PLCE1: variants seen among roughly 807,000 people sequenced by gnomAD.
PLCE1 encodes phospholipase C epsilon 1.
In PLCE1, 119 loss-of-function variants were observed where a neutral mutation model predicts 242.8. The observed-to-expected ratio is 0.49, with a 90% CI of 0.42 to 0.57. PLCE1 has a LOEUF of 0.57. Ranked by LOEUF, PLCE1 falls within the 20% of genes least tolerant of loss-of-function variation. PLCE1 has a pLI of 0.00. For synonymous variants in PLCE1, 945 were observed against 1,017.4 expected, an observed-to-expected ratio of 0.93 and a Z score of 1.35; for missense variants, 2,441 against 2,788.8, an observed-to-expected ratio of 0.88 and a Z score of 2.81.
intron 2 of PLCE1, among the ~76,000 whole-genome samples, chr10:94,059,882 G>A (rs2209442): frequency 0.31 from 47,576 of 151,974 alleles, 8,157 homozygotes; most frequent in African/African-American, 0.46. Flanking sequence ...TGGTGTTCAC[G>A]TCTTGCTTGT....
At chr10:94,033,413 A>T in intron 2 of PLCE1, among the ~76,000 whole-genome samples, 1 of 152,096 alleles carries the variant, frequency 6.6e-6, no homozygotes, top group East Asian at 1.9e-4. Context: ...AATATCAATA[A>T]CATTTTAGGA....
intron 4 of PLCE1, among the ~76,000 whole-genome samples, chr10:94,182,872 C>T (rs2048355999): frequency 6.6e-6 from 1 of 152,144 alleles, no homozygotes. Flanking sequence ...CACCTCTGTC[C>T]TGAGACTGGT....
intron 3 of PLCE1, among the ~76,000 whole-genome samples, chr10:94,147,048 G>A (rs887882195): frequency 6.6e-6 from 1 of 151,968 alleles, no homozygotes; most frequent in Non-Finnish European, 1.5e-5. Flanking sequence ...CACGCATAAT[G>A]TAGAGAAACG....
At chr10:94,309,079 T>G (rs1004652495) in intron 27 of PLCE1, among the ~76,000 whole-genome samples, 1 of 152,236 alleles carries the variant, frequency 6.6e-6, no homozygotes, top group Non-Finnish European at 1.5e-5. Flanking sequence ...AGAGGCTTAT[T>G]ATGCGAAGCC....
intron 29 of PLCE1, among the ~76,000 whole-genome samples, chr10:94,317,650 T>C (rs545637900): frequency 6.6e-5 from 10 of 152,316 alleles, no homozygotes; most frequent in African/African-American, 2.2e-4. Context: ...ATTCCCATGA[T>C]CATTCCTGGG....
chr10:94,272,160 G>T (rs2051769162), intron 18 of PLCE1, among the ~76,000 whole-genome samples: 1 of 152,176 alleles, frequency 6.6e-6, no homozygotes, highest in Admixed American at 6.5e-5. Flanking sequence ...ATCCTAGTAA[G>T]CCTGAAGGTA....
Position 94,325,104 on chromosome 10 carries a change from G to C in PLCE1, c.*24G>C. ...GACTAAGGGCAGCATGTTTAACCCA[G>C]GTATAGTAAGTCATTGCACCATCCT... On this transcript the variant is annotated splice_region_variant and 3_prime_UTR_variant, in exon 32 of 33. Coordinates refer to ENST00000371380, the MANE Select transcript of PLCE1 (RefSeq NM_016341.4). The C allele has an allele frequency of 6.2e-7, 1 of 1,604,140 alleles. No homozygotes were observed. Among genetic ancestry groups the C allele is most frequent in the East Asian group, 2.2e-5 (1 of 44,822 alleles).
At chr10:94,097,019 A>G (rs893908134) in intron 2 of PLCE1, 1 of 152,210 alleles carries the variant, frequency 6.6e-6, no homozygotes, top group Admixed American at 6.5e-5. Context: ...AGAAAGTACC[A>G]AGAAGTTTAT....
chr10:94,202,689 A>G (rs2049023222), intron 4 of PLCE1, among the ~76,000 whole-genome samples: 1 of 152,212 alleles, frequency 6.6e-6, no homozygotes, highest in Admixed American at 6.5e-5. Flanking sequence ...CCTTGGCTAC[A>G]AGGTGTGTCC....
At chr10:94,261,628 G>A (rs756498789) in intron 13 of PLCE1, among the ~76,000 whole-genome samples, 18 of 152,138 alleles carry the variant, frequency 1.2e-4, no homozygotes, top group Non-Finnish European at 2.6e-4. Flanking sequence ...AAGTTGGTGC[G>A]AATGTGAAGC....
chr10:94,144,868 GT>G (rs753627732), intron 3 of PLCE1, among the ~76,000 whole-genome samples: 1 of 152,168 alleles, frequency 6.6e-6, no homozygotes, highest in Non-Finnish European at 1.5e-5. Flanking sequence ...ACTGTGACAA[GT>G]GTTTTTAAAG....
chr10:94,181,520 G>A (rs2048311185), intron 4 of PLCE1, among the ~76,000 whole-genome samples: 1 of 150,362 alleles, frequency 6.7e-6, no homozygotes, highest in Non-Finnish European at 1.5e-5. Flanking sequence ...AGCTTGCAGT[G>A]AGCCGAGATC....
intron 2 of PLCE1, among the ~76,000 whole-genome samples, chr10:94,095,645 G>A (rs1217365170): frequency 6.6e-6 from 1 of 152,182 alleles, no homozygotes; most frequent in Non-Finnish European, 1.5e-5. Context: ...CATGGGAGAG[G>A]AGAGAGAGGC....
intron 13 of PLCE1, among the ~76,000 whole-genome samples, chr10:94,259,461 T>G (rs2051219582): frequency 6.6e-6 from 1 of 152,084 alleles, no homozygotes. Flanking sequence ...TTTTTTGTAT[T>G]TTTAATAGAG....
At chr10:93,999,082 T>C (rs866301246) in intron 1 of PLCE1, among the ~76,000 whole-genome samples, 8 of 152,224 alleles carry the variant, frequency 5.3e-5, no homozygotes, top group South Asian at 2.1e-4. Context: ...TTATTTAAAC[T>C]ACTAAGTTTG....
Position 94,246,576 on chromosome 10 carries a change from C to A in PLCE1, c.3051C>A (p.Asp1017Glu). 2 of 1,614,124 alleles carry A rather than the reference C, an allele frequency of 1.2e-6. No homozygotes were observed. The highest frequency in any genetic ancestry group is 1.7e-6 in the Non-Finnish European group (2 of 1,180,004). ...TGAGAAAGATGAGGAAATTCCCTGA[C>A]CAAAGACAGCAGTGGCTGCGGAAAC... ...RAVRKMRKFP[D>E]QRQQWLRKQY... is the part of the protein sequence containing the mutation. Residue 1017 changes from aspartate (D) to glutamate (E), a missense_variant, in exon 8 of 33, where the codon GAC (aspartate) becomes GAA (glutamate). Asp to Glu is a conservative substitution (Grantham distance 45). This residue lies in a region of PLCE1 where 1,004 missense variants were observed against 1,322.7 expected (regional missense o/e 0.76). Transcript: ENST00000371380.
chr10:94,254,051 T>A (rs2132851152), intron 9 of PLCE1, 139 bp from the exon 10 acceptor site: 1 of 759,860 alleles, frequency 1.3e-6, no homozygotes, highest in Non-Finnish European at 2.4e-6. Flanking sequence ...CGGTCAGCCT[T>A]AATGTAGGTC....
chr10:94,005,399 T>C (rs2061014825), intron 1 of PLCE1, among the ~76,000 whole-genome samples: 1 of 152,238 alleles, frequency 6.6e-6, no homozygotes, highest in South Asian at 2.1e-4. Context: ...TTAAGGACTT[T>C]GGTTCATTCT....
chr10:94,133,698 C>T (rs535334800), intron 3 of PLCE1, among the ~76,000 whole-genome samples: 454 of 152,100 alleles, frequency 3.0e-3, no homozygotes, highest in Non-Finnish European at 5.1e-3. Flanking sequence ...TGGAGTTGCC[C>T]GAACTTCAGG....
Sources: gnomAD v4.1 joint callset for allele counts (sites outside exome capture counted in the v4.1 genomes callset) on GRCh38, gnomAD v4.1.1 for gene constraint, gnomAD v4.1.1 regional missense constraint, MANE v1.5 for transcripts, NCBI Gene and HGNC (gene_info 2026-07-23, HGNC 2026-07-21) for gene names.